The following PTPRN2 variants were observed in gnomAD, a reference collection of about 807,000 sequenced individuals.
PTPRN2 encodes the protein receptor-type tyrosine-protein phosphatase N2.
In PTPRN2, 74 loss-of-function variants were observed where a neutral mutation model predicts 118.8. That is an observed-to-expected ratio of 0.62 (90% CI 0.52 to 0.76). The LOEUF (loss-of-function observed/expected upper bound fraction) is 0.76. Ranked by LOEUF, PTPRN2 falls within the 30% of genes least tolerant of loss-of-function variation. The pLI is 0.00. For missense variants in PTPRN2, 1,481 were observed against 1,394.4 expected, an observed-to-expected ratio of 1.06 and a Z score of -0.99; for synonymous variants, 641 against 608.0, an observed-to-expected ratio of 1.05 and a Z score of -0.80.
intron 12 of PTPRN2, among the ~76,000 whole-genome samples, chr7:157,685,073 C>CCGCCCCT (rs962443018): frequency 1.3e-5 from 2 of 151,948 alleles, no homozygotes; most frequent in East Asian, 1.9e-4. Flanking sequence ...GCGCCCCTCG[C>CCGCCCCT]CGCCCCTCGC....
chr7:157,730,783 G>A (rs1178768747), intron 12 of PTPRN2, among the ~76,000 whole-genome samples: 1 of 152,184 alleles, frequency 6.6e-6, no homozygotes, highest in Non-Finnish European at 1.5e-5. Flanking sequence ...CTGTGGCCCC[G>A]GGGCTGCTCC....
intron 2 of PTPRN2, among the ~76,000 whole-genome samples, chr7:158,363,805 G>A (rs548988951): frequency 6.6e-6 from 1 of 152,302 alleles, no homozygotes; most frequent in South Asian, 2.1e-4. Flanking sequence ...GGGTCTCCAC[G>A]GATGCCTCTG....
At chr7:158,423,754 G>A (rs779386021) in intron 2 of PTPRN2, among the ~76,000 whole-genome samples, 3 of 151,862 alleles carry the variant, frequency 2.0e-5, no homozygotes, top group Admixed American at 6.6e-5. Flanking sequence ...CAAGTGTTCC[G>A]CCCACCTCCG....
intron 11 of PTPRN2, among the ~76,000 whole-genome samples, chr7:158,063,917 TAC>T (rs2128909186): frequency 6.6e-6 from 1 of 152,228 alleles, no homozygotes; most frequent in African/African-American, 2.4e-5. Flanking sequence ...TCTACACACT[TAC>T]ACACATATGT....
chr7:157,698,225 ATTATTTCACT>A (rs1196330976), intron 12 of PTPRN2, among the ~76,000 whole-genome samples: 2 of 152,246 alleles, frequency 1.3e-5, no homozygotes, highest in Non-Finnish European at 2.9e-5. Context: ...ATTTTTTCAA[ATTATTTCACT>A]TTATTTCAAG....
At chr7:158,542,588 G>C (rs1425991180) in intron 1 of PTPRN2, among the ~76,000 whole-genome samples, 2 of 152,206 alleles carry the variant, frequency 1.3e-5, no homozygotes, top group East Asian at 3.8e-4. Context: ...TAGCTGAAGA[G>C]GCTGCAGCAG....
chr7:158,407,172 C>CGTCCCGG (rs1813551211), intron 2 of PTPRN2, among the ~76,000 whole-genome samples: 4 of 45,234 alleles, frequency 8.8e-5, no homozygotes, highest in East Asian at 1.2e-3. Flanking sequence ...CTGGGTCCTG[C>CGTCCCGG]GTCCTGCGTC....
intron 11 of PTPRN2, among the ~76,000 whole-genome samples, chr7:158,033,646 G>A (rs540898223): frequency 6.6e-6 from 1 of 152,326 alleles, no homozygotes; most frequent in East Asian, 1.9e-4. Context: ...CCAATGTAAT[G>A]AAACCTTGAT....
intron 1 of PTPRN2, among the ~76,000 whole-genome samples, chr7:158,558,864 G>T (rs1213214209): frequency 1.3e-5 from 2 of 151,740 alleles, no homozygotes; most frequent in African/African-American, 2.4e-5. Context: ...AAGAGATGAG[G>T]CCCAGAAGAC....
At chr7:158,044,853 C>G (rs1808726834) in intron 11 of PTPRN2, among the ~76,000 whole-genome samples, 1 of 152,168 alleles carries the variant, frequency 6.6e-6, no homozygotes, top group African/African-American at 2.4e-5. Context: ...GCTGCAGGAG[C>G]AACATTTAAT....
At position 158,519,802 on chromosome 7, in the gene PTPRN2, AG is replaced by A. The variant is rs796501014; in HGVS notation, c.113-30018del. ...CCTCAGAAAGAAGAAAAAGGGAAGAAGGGTTACCCAATGCCTCCCCCATGGC... is the reference window on the plus strand; with the variant it reads ...CCTCAGAAAGAAGAAAAAGGGAAGAAGGTTACCCAATGCCTCCCCCATGGC... On this transcript the variant is annotated intron_variant, in intron 1 of 22. Coordinates refer to ENST00000389418, the MANE Select transcript of PTPRN2 (RefSeq NM_002847.5). Among the ~76,000 whole-genome samples the A allele has an allele frequency of 3.9e-5, 6 of 152,308 alleles. No individual in the cohort carries two copies. In the South Asian group the frequency reaches 1.0e-3, roughly 26 times the overall value.
intron 2 of PTPRN2, among the ~76,000 whole-genome samples, chr7:158,353,409 C>T (rs1808158839): frequency 6.6e-6 from 1 of 152,242 alleles, no homozygotes; most frequent in African/African-American, 2.4e-5. Context: ...TGGCTGAAAG[C>T]TTACTTTACA....
At chr7:157,607,705 G>A (rs748504903) in intron 15 of PTPRN2, among the ~76,000 whole-genome samples, 3 of 152,200 alleles carry the variant, frequency 2.0e-5, no homozygotes, top group East Asian at 1.9e-4. Context: ...AACAGGCCAC[G>A]GGGAAAGTGG....
intron 9 of PTPRN2, among the ~76,000 whole-genome samples, chr7:158,119,208 A>G (rs948671571): frequency 3.3e-5 from 5 of 152,220 alleles, no homozygotes; most frequent in Admixed American, 2.6e-4. Context: ...AAAATGGGCA[A>G]AGGACTTGAA....
In PTPRN2 at chr7:157,569,474, T is replaced by G. The variant is rs371246999; in HGVS notation, c.2838-508A>C. 4.6e-5 allele frequency among the ~76,000 whole-genome samples: 7 copies of G among 152,288 alleles called. No homozygotes were observed. The South Asian group carries it at 6.2e-4, about 14-fold the overall frequency. ...GCCTGCCACCCCTTCTAAACGCAGG[T>G]CCTCCGTCTCAGAAGGAGAAATTGA... On this transcript the variant is annotated intron_variant, in intron 20 of 22. Transcript: ENST00000389418.
chr7:158,526,894 G>A lies in PTPRN2; in HGVS notation c.113-37109C>T, dbSNP rs958566024. On this transcript the variant is annotated intron_variant, in intron 1 of 22. Transcript: ENST00000389418. The surrounding 1 kb of genome is among the most constrained non-coding windows in gnomAD (Gnocchi z 5.2). ...TGTTTGCTAAGCCGCCTGGTTTGTGGGGGTTTGTTAGGGAGACTGAGCCAA... is the reference window on the plus strand; with the variant it reads ...TGTTTGCTAAGCCGCCTGGTTTGTGAGGGTTTGTTAGGGAGACTGAGCCAA... 3.3e-5 allele frequency among the ~76,000 whole-genome samples: 5 copies of A among 152,134 alleles called. No individual in the cohort carries two copies. Among genetic ancestry groups the A allele is most frequent in the Non-Finnish European group, 5.9e-5 (4 of 68,036 alleles).
intron 6 of PTPRN2, among the ~76,000 whole-genome samples, chr7:158,151,896 G>C (rs189312389): frequency 6.6e-6 from 1 of 152,152 alleles, no homozygotes; most frequent in South Asian, 2.1e-4. Flanking sequence ...GAATGCGGCC[G>C]GGCGCGGTGG....
At chr7:158,395,374 G>T (rs1245767021) in intron 2 of PTPRN2, among the ~76,000 whole-genome samples, 3 of 3,708 alleles carry the variant, frequency 8.1e-4, no homozygotes, top group African/African-American at 1.5e-3. Context: ...GGGGCGAGGG[G>T]GAGGCGCGAG....
chr7:157,848,161 T>C (rs1445069101), intron 12 of PTPRN2, among the ~76,000 whole-genome samples: 1 of 144,704 alleles, frequency 6.9e-6, no homozygotes, highest in Non-Finnish European at 1.5e-5. Context: ...CCCTCTCTCA[T>C]TACATCGTGT....
Sources: allele counts gnomAD v4.1 joint callset (sites outside exome capture counted in the v4.1 genomes callset), GRCh38; gene constraint gnomAD v4.1.1; non-coding constraint Gnocchi (gnomAD v3.1); transcripts MANE v1.5; gene names NCBI Gene and HGNC (gene_info 2026-07-23, HGNC 2026-07-21).